Variants in MMS22L observed in about 807,000 individuals in gnomAD.
The protein encoded by MMS22L is MMS22 like, DNA repair protein.
Under a neutral mutation model 159.1 loss-of-function variants are expected in MMS22L, and 74 were observed. The observed-to-expected ratio is 0.47, with a 90% CI of 0.39 to 0.56. MMS22L has a LOEUF of 0.56. Ranked by LOEUF, MMS22L falls within the 20% of genes least tolerant of loss-of-function variation. The probability of loss-of-function intolerance (pLI) is 0.00; values close to 1 mark genes in which losing one functional copy is unlikely to be tolerated. For missense variants in MMS22L, 1,351 were observed against 1,422.1 expected (o/e 0.95, Z 0.80); for synonymous variants, 517 against 506.9 (o/e 1.02, Z -0.27).
chr6:97,160,388 C>T (rs1323932027), intron 22 of MMS22L, among the ~76,000 whole-genome samples: 1 of 151,992 alleles, frequency 6.6e-6, no homozygotes, highest in Admixed American at 6.6e-5. Context: ...TCTTGGTTGA[C>T]AGGTCCCCCT....
rs933271032 is a variant in MMS22L, at chr6:97,225,441, C to T, written c.2039+3453G>A. On this transcript the variant is annotated intron_variant, in intron 14 of 24. Transcript: ENST00000683635. ...TCTCGGCTTACTGCAACCACCACCT[C>T]CCGGGTTCAAGCAATTGTCCTACCT... Among the ~76,000 whole-genome samples the T allele has an allele frequency of 7.2e-4, 110 of 152,142 alleles. 2 individuals are homozygous for T. Among genetic ancestry groups the T allele is most frequent in the Middle Eastern group, 6.8e-3 (2 of 294 alleles).
chr6:97,243,454 A>G (rs943558013), intron 11 of MMS22L, among the ~76,000 whole-genome samples: 3 of 151,956 alleles, frequency 2.0e-5, no homozygotes, highest in African/African-American at 4.8e-5. Context: ...TTTATGATAT[A>G]TATTTCTCTG....
At chr6:97,236,704 C>T (rs1469742519) in intron 11 of MMS22L, among the ~76,000 whole-genome samples, 1 of 152,052 alleles carries the variant, frequency 6.6e-6, no homozygotes, top group Admixed American at 6.5e-5. Context: ...GTAATCCCAG[C>T]ACTTTGGGAG....
At chr6:97,171,597 A>T (rs563398284) in intron 19 of MMS22L, among the ~76,000 whole-genome samples, 2 of 152,332 alleles carry the variant, frequency 1.3e-5, no homozygotes, top group South Asian at 4.1e-4. Flanking sequence ...GAAATAACTG[A>T]GCTACAATTA....
chr6:97,204,889 A>AT lies in MMS22L; in HGVS notation c.2040-18200dup, dbSNP rs202187739. Among the ~76,000 whole-genome samples the AT allele has an allele frequency of 5.5e-3, 679 of 124,180 alleles. 6 individuals carry two copies. The highest frequency in any genetic ancestry group is 0.018 in the African/African-American group (596 of 33,402). 81.5% of individuals were successfully genotyped at this position (124,180 alleles called of 152,430 possible). ...AGAACATCTAGCCAGAGAGCTGGCA[A>AT]TTTTTTTTTTTTTTTAATATTTGTG... On this transcript the variant is annotated intron_variant, in intron 14 of 24. Transcript: ENST00000683635.
upstream of MMS22L, chr6:97,283,301 C>T (rs1816943208): frequency 6.6e-6 from 1 of 151,938 alleles, no homozygotes; most frequent in Non-Finnish European, 1.5e-5. Context: ...CGAATTCTCG[C>T]GAGAGTCCGT....
chr6:97,221,574 C>T (rs1162613898), intron 14 of MMS22L, among the ~76,000 whole-genome samples: 1 of 151,650 alleles, frequency 6.6e-6, no homozygotes, highest in Non-Finnish European at 1.5e-5. Flanking sequence ...AAATATTTAA[C>T]TAGGAAAAAA....
chr6:97,173,522 T>C (rs1803780572), intron 18 of MMS22L, among the ~76,000 whole-genome samples: 1 of 152,172 alleles, frequency 6.6e-6, no homozygotes, highest in Non-Finnish European at 1.5e-5. Context: ...GAAACTTATG[T>C]ACACATACCT....
intron 23 of MMS22L, among the ~76,000 whole-genome samples, chr6:97,150,540 T>G (rs1023384159): frequency 6.6e-6 from 1 of 152,132 alleles, no homozygotes; most frequent in African/African-American, 2.4e-5. Flanking sequence ...TATTTAGCCT[T>G]AAAACCTCTA....
intron 22 of MMS22L, among the ~76,000 whole-genome samples, chr6:97,156,820 T>C (rs888656197): frequency 6.6e-6 from 1 of 152,164 alleles, no homozygotes; most frequent in Non-Finnish European, 1.5e-5. Context: ...TTTGGTTCCA[T>C]ATGAAATTTA....
At chr6:97,219,766 C>T (rs1809423830) in intron 14 of MMS22L, among the ~76,000 whole-genome samples, 1 of 152,126 alleles carries the variant, frequency 6.6e-6, no homozygotes, top group African/African-American at 2.4e-5. Flanking sequence ...CTAGAGGTTC[C>T]TTAAGAAGCA....
chr6:97,185,910 G>A (rs1159409597), intron 15 of MMS22L, among the ~76,000 whole-genome samples: 1 of 151,922 alleles, frequency 6.6e-6, no homozygotes, highest in African/African-American at 2.4e-5. Context: ...CCTCTTCTTA[G>A]AAATGATATA....
intron 2 of MMS22L, 119 bp downstream of exon 2, chr6:97,282,194 TA>T: frequency 1.0e-6 from 1 of 954,602 alleles, no homozygotes; most frequent in Non-Finnish European, 1.6e-6. Context: ...TATGATATAC[TA>T]AGCTGATTTA....
At chr6:97,243,491 T>G (rs1031640016) in intron 11 of MMS22L, among the ~76,000 whole-genome samples, 5 of 152,166 alleles carry the variant, frequency 3.3e-5, no homozygotes, top group African/African-American at 1.2e-4. Context: ...TATCTGTTAT[T>G]ATTTTTTAAA....
chr6:97,224,581 A>G (rs923974951), intron 14 of MMS22L, among the ~76,000 whole-genome samples: 1 of 151,774 alleles, frequency 6.6e-6, no homozygotes, highest in African/African-American at 2.4e-5. Flanking sequence ...AAAAACTTAC[A>G]AAATAAAAAG....
intron 18 of MMS22L, among the ~76,000 whole-genome samples, chr6:97,177,047 C>A (rs1804198316): frequency 6.6e-6 from 1 of 152,136 alleles, no homozygotes; most frequent in Admixed American, 6.6e-5. Context: ...CTCTTTTAGT[C>A]AAACACAGCA....
intron 10 of MMS22L, chr6:97,254,083 T>A (rs1296784218): frequency 2.6e-5 from 4 of 153,068 alleles, no homozygotes; most frequent in African/African-American, 9.6e-5. Flanking sequence ...GCAAACTTCA[T>A]GGTTGTTTAA....
At chr6:97,226,393 G>A (rs1051796146) in intron 14 of MMS22L, among the ~76,000 whole-genome samples, 1 of 152,030 alleles carries the variant, frequency 6.6e-6, no homozygotes, top group Admixed American at 6.6e-5. Flanking sequence ...TCAGGAATTC[G>A]AGACCAGCCT....
intron 14 of MMS22L, among the ~76,000 whole-genome samples, chr6:97,223,221 A>G (rs1486545770): frequency 2.0e-5 from 3 of 152,004 alleles, no homozygotes; most frequent in Non-Finnish European, 4.4e-5. Flanking sequence ...TCTCTGTCAT[A>G]CAGTTGTAAA....
Sources: gnomAD v4.1 joint callset for allele counts (sites outside exome capture counted in the v4.1 genomes callset) on GRCh38, gnomAD v4.1.1 for gene constraint, MANE v1.5 for transcripts, NCBI Gene and HGNC (gene_info 2026-07-23, HGNC 2026-07-21) for gene names.